POLR2B: variants seen among roughly 807,000 people sequenced by gnomAD.
The protein encoded by POLR2B is RNA polymerase II subunit B.
Under a neutral mutation model 144.6 loss-of-function variants are expected in POLR2B, and 57 were observed. That is an observed-to-expected ratio of 0.39 (90% confidence interval 0.32 to 0.49). POLR2B has a LOEUF of 0.49. Among genes scored for constraint, POLR2B ranks in the 20% least tolerant of loss-of-function variants. The pLI is 0.83. For missense variants in POLR2B, 595 were observed against 1,467.4 expected (o/e 0.41, Z 9.71); for synonymous variants, 442 against 469.8 (o/e 0.94, Z 0.77).
chr4:57,027,077 C>T (rs973367085), intron 23 of POLR2B, among the ~76,000 whole-genome samples: 3 of 151,938 alleles, frequency 2.0e-5, no homozygotes, highest in Non-Finnish European at 4.4e-5. Context: ...GGTGCGATCT[C>T]GGCTCACGGC....
At chr4:56,995,180 A>C in intron 5 of POLR2B, 71 bp from the exon 6 acceptor site, 1 of 1,119,226 alleles carries the variant, frequency 8.9e-7, no homozygotes, top group East Asian at 2.4e-5. Context: ...ATTAAGATGC[A>C]GATTTTACTC....
At chr4:56,981,972 A>C (rs1402581750) in intron 1 of POLR2B, among the ~76,000 whole-genome samples, 1 of 152,220 alleles carries the variant, frequency 6.6e-6, no homozygotes, top group African/African-American at 2.4e-5. Flanking sequence ...AAACTCACTC[A>C]GCTTTCTAGC....
intron 23 of POLR2B, among the ~76,000 whole-genome samples, chr4:57,027,222 T>G (rs1002743924): frequency 1.3e-5 from 2 of 152,082 alleles, no homozygotes; most frequent in African/African-American, 4.8e-5. Context: ...TTGCCCAGGC[T>G]GGTCTCAAAT....
At chr4:57,008,752 G>A (rs1046100625) in intron 10 of POLR2B, among the ~76,000 whole-genome samples, 1 of 152,218 alleles carries the variant, frequency 6.6e-6, no homozygotes, top group Admixed American at 6.5e-5. Context: ...CACCTGAACT[G>A]AATCTTGAAG....
At chr4:57,014,657 C>T (rs1723310238) in intron 13 of POLR2B, among the ~76,000 whole-genome samples, 1 of 151,846 alleles carries the variant, frequency 6.6e-6, no homozygotes. Flanking sequence ...CACCTGCCAC[C>T]ACACCTGGCT....
intron 7 of POLR2B, among the ~76,000 whole-genome samples, chr4:57,002,504 A>G (rs1722885453): frequency 6.6e-6 from 1 of 152,054 alleles, no homozygotes; most frequent in African/African-American, 2.4e-5. Context: ...CCAAAAGTAC[A>G]TTATTGTTAT....
At position 57,010,890 on chromosome 4, in the gene POLR2B, G is replaced by A. The variant is rs781011170; in HGVS notation, c.1688+3G>A. On this transcript the variant is annotated splice_donor_region_variant and intron_variant, in intron 12 of 24. Transcript: ENST00000314595. ...ATTTCTCCTGCAGCTATTGCTGAGTGTGTATAGATGGAATTAGTTTTTTAA... is the reference window on the plus strand; with the variant it reads ...ATTTCTCCTGCAGCTATTGCTGAGTATGTATAGATGGAATTAGTTTTTTAA... 6.2e-7 allele frequency: 1 copy of A among 1,605,348 alleles called. No homozygotes were observed. The highest frequency in any genetic ancestry group is 8.5e-7 in the Non-Finnish European group (1 of 1,172,720).
intron 6 of POLR2B, among the ~76,000 whole-genome samples, chr4:56,996,074 G>A (rs1722665973): frequency 6.6e-6 from 1 of 152,000 alleles, no homozygotes; most frequent in African/African-American, 2.4e-5. Context: ...ATAGTTATAA[G>A]CATAGGTTGC....
intron 1 of POLR2B, among the ~76,000 whole-genome samples, chr4:56,982,416 T>A (rs1040631363): frequency 6.6e-6 from 1 of 151,790 alleles, no homozygotes; most frequent in African/African-American, 2.4e-5. Context: ...CAAAAAAATT[T>A]AAAAAATTAG....
Position 57,031,137 on chromosome 4 carries a change from T to C in POLR2B, c.*149T>C, listed in dbSNP as rs558726235. 7.6e-5 allele frequency: 54 copies of C among 712,670 alleles called. No individual in the cohort carries two copies. The East Asian group carries it at 1.4e-3, about 18-fold the overall frequency. 44.1% of individuals were successfully genotyped at this position (712,670 alleles called of 1,614,324 possible). On this transcript the variant is annotated 3_prime_UTR_variant, in exon 25 of 25. Transcript: ENST00000314595. ...TGCATGCTTTTCTTCTGTAAATATATAATAAATTTTTGTAGATAGTCTTGA... is the reference window on the plus strand; with the variant it reads ...TGCATGCTTTTCTTCTGTAAATATACAATAAATTTTTGTAGATAGTCTTGA...
intron 1 of POLR2B, chr4:56,985,173 C>A (rs898876778): frequency 7.0e-6 from 2 of 284,526 alleles, no homozygotes; most frequent in Non-Finnish European, 1.1e-5. Flanking sequence ...ACTTATGGTT[C>A]GGGCTTTCTC....
In POLR2B at chr4:56,995,428, G is replaced by A. The variant is rs1408266145; in HGVS notation, c.735+19G>A. ...AGGACAGGTATGGACTGGATATGATGCTATTTGGGTTTATTCCTTTGTGCT... is the reference window on the plus strand; with the variant it reads ...AGGACAGGTATGGACTGGATATGATACTATTTGGGTTTATTCCTTTGTGCT... On this transcript the variant is annotated intron_variant, in intron 6 of 24. Transcript: ENST00000314595. 3 of 1,553,428 alleles carry A rather than the reference G, an allele frequency of 1.9e-6. No homozygotes were observed. The highest frequency in any genetic ancestry group is 2.3e-5 in the East Asian group (1 of 43,932).
intron 1 of POLR2B, among the ~76,000 whole-genome samples, chr4:56,981,245 C>T (rs950777788): frequency 1.3e-5 from 2 of 152,128 alleles, no homozygotes; most frequent in East Asian, 1.9e-4. Context: ...CAGAAAGCAT[C>T]GCGCCCCCCC....
intron 1 of POLR2B, among the ~76,000 whole-genome samples, chr4:56,982,635 T>G (rs537088362): frequency 6.6e-6 from 1 of 152,344 alleles, no homozygotes; most frequent in Non-Finnish European, 1.5e-5. Context: ...GACTTTTTTT[T>G]TCTTGCCATT....
At chr4:56,986,688 T>C (rs1001030728) in intron 2 of POLR2B, 3 of 246,570 alleles carry the variant, frequency 1.2e-5, no homozygotes, top group Admixed American at 5.4e-5. Context: ...TTCTGAAACA[T>C]GTGAGAGTAA....
At chr4:56,995,026 C>T (rs1489159964) in intron 5 of POLR2B, among the ~76,000 whole-genome samples, 160 bp downstream of exon 5, 1 of 151,642 alleles carries the variant, frequency 6.6e-6, no homozygotes, top group Non-Finnish European at 1.5e-5. Context: ...TTATATAAAC[C>T]AAAGCTTTAT....
chr4:57,018,764 C>T (rs1391050228), intron 16 of POLR2B, among the ~76,000 whole-genome samples: 1 of 151,824 alleles, frequency 6.6e-6, no homozygotes, highest in Non-Finnish European at 1.5e-5. Flanking sequence ...AGAAAAAGGC[C>T]AGAGGCAGAC....
In POLR2B at chr4:57,025,140, TA is replaced by T. The variant is rs1578594007; in HGVS notation, c.3078+144del. Reference sequence around the variant, plus strand: ...TACAGCTTGATGAATTTTCACAAAGTAAACACAGCTGCATGACTAACACCAA... The same window carrying T: ...TACAGCTTGATGAATTTTCACAAAGTAACACAGCTGCATGACTAACACCAA... On this transcript the variant is annotated intron_variant, in intron 22 of 24. Transcript: ENST00000314595. 10 of 621,596 alleles carry T rather than the reference TA, an allele frequency of 1.6e-5. No homozygotes were observed. In the East Asian group the frequency reaches 2.7e-4, roughly 17 times the overall value. 38.5% of individuals were successfully genotyped at this position (621,596 alleles called of 1,614,324 possible). A position where few individuals can be genotyped will look rare whatever the true frequency, so the allele number is the denominator to read the frequency against.
chr4:57,012,537 G>A (rs561820175), intron 13 of POLR2B, among the ~76,000 whole-genome samples: 14 of 152,184 alleles, frequency 9.2e-5, no homozygotes, highest in Non-Finnish European at 1.6e-4. Context: ...TATACCTTGG[G>A]TGAAAGTGGT....
Sources: allele counts gnomAD v4.1 joint callset (sites outside exome capture counted in the v4.1 genomes callset), GRCh38; gene constraint gnomAD v4.1.1; transcripts MANE v1.5; gene names NCBI Gene and HGNC (gene_info 2026-07-23, HGNC 2026-07-21).